DNAH17: variants seen among roughly 807,000 people sequenced by gnomAD.
DNAH17 encodes dynein axonemal heavy chain 17.
In DNAH17, 376 loss-of-function variants were observed where a neutral mutation model predicts 485.6. The observed-to-expected ratio is 0.77, with a 90% CI of 0.71 to 0.84. DNAH17 has a LOEUF of 0.84. Among genes scored for constraint, DNAH17 ranks in the 40% least tolerant of loss-of-function variants. DNAH17 has a pLI of 0.00. For synonymous variants in DNAH17, 3,031 were observed against 2,405.9 expected (o/e 1.26, Z -7.60); for missense variants, 6,370 against 5,839.3 (o/e 1.09, Z -2.96).
intron 62 of DNAH17, among the ~76,000 whole-genome samples, chr17:78,456,256 G>A (rs867952227): frequency 6.6e-6 from 1 of 152,280 alleles, no homozygotes; most frequent in African/African-American, 2.4e-5. Context: ...CCGAGATTGG[G>A]CCACTGCATT....
intron 54 of DNAH17, among the ~76,000 whole-genome samples, chr17:78,471,796 G>C (rs1236149958): frequency 6.6e-6 from 1 of 152,020 alleles, no homozygotes; most frequent in Non-Finnish European, 1.5e-5. Context: ...TCACTCTCTG[G>C]CACAGTCCCC....
Position 78,439,107 on chromosome 17 carries a change from G to A in DNAH17, c.11788C>T (p.His3930Tyr). 4 of 1,613,428 alleles carry A rather than the reference G, an allele frequency of 2.5e-6. No homozygotes were observed. The highest frequency in any genetic ancestry group is 1.7e-5 in the Admixed American group (1 of 59,960). The change falls in exon 73 of 81, where the codon CAC (histidine) becomes TAC (tyrosine). Residue 3930 changes from histidine (H) to tyrosine (Y), a missense_variant. Transcript: ENST00000389840. The stretch of plus-strand genomic sequence containing the variant: ...CCTCGTACCTGCAGAATGACCCAGT[G>A]TCCTTTCTCTGCAGCCACGTCCAGG... ...NALDVAAEKG[H>Y]WVILQNIHLV...
At chr17:78,529,818 G>T in intron 21 of DNAH17, 124 bp from the exon 22 acceptor site, 2 of 985,438 alleles carry the variant, frequency 2.0e-6, no homozygotes, top group Non-Finnish European at 3.0e-6. Context: ...AAGGCCCCAG[G>T]TGGGGAGGGA....
At chr17:78,484,086 ATTT>A (rs2089472171) in intron 48 of DNAH17, among the ~76,000 whole-genome samples, 1 of 107,348 alleles carries the variant, frequency 9.3e-6, no homozygotes, top group African/African-American at 3.9e-5. Context: ...ACAGAGCGAG[ATTT>A]CTCCTCAAAA....
At chr17:78,463,151 AC>A in intron 56 of DNAH17, 74 bp from the exon 57 acceptor site, 1 of 1,407,356 alleles carries the variant, frequency 7.1e-7, no homozygotes, top group Non-Finnish European at 9.9e-7. Context: ...CCCCAGACTC[AC>A]CAGGGGCCCT....
Position 78,505,308 on chromosome 17 carries a change from G to T in DNAH17, c.4941C>A (p.Cys1647Ter). 3 of 1,613,830 alleles carry T rather than the reference G, an allele frequency of 1.9e-6. No homozygotes were observed. Among genetic ancestry groups the T allele is most frequent in the South Asian group, 1.1e-5 (1 of 91,066 alleles). The part of the protein sequence containing the change: ...EDEYMVFDQE[C>*]DLSGQVEVWL... ...ACACACTCACCTGCCCCGAGAGGTC[G>T]CATTCCTGATCAAAAACCATGTACT... Residue 1647 changes from cysteine to a stop codon, truncating the protein, a stop_gained, in exon 31 of 81, where the codon TGC becomes TGA. Coordinates refer to ENST00000389840, the MANE Select transcript of DNAH17 (RefSeq NM_173628.4). LOFTEE classifies it high-confidence loss of function.
intron 34 of DNAH17, 92 bp downstream of exon 34, chr17:78,501,650 G>T: frequency 6.6e-7 from 1 of 1,506,006 alleles, no homozygotes; most frequent in Non-Finnish European, 8.9e-7. Flanking sequence ...CCAGGAAGAG[G>T]AAGTGGCAGG....
In DNAH17 at chr17:78,502,672, C is replaced by T. The variant is rs1395693990; in HGVS notation, c.5109G>A (p.Trp1703Ter). The change falls in exon 33 of 81, where the codon TGG becomes TGA. Residue 1703 changes from tryptophan to a stop codon, truncating the protein, a stop_gained. Transcript: ENST00000389840. LOFTEE classifies it high-confidence loss of function. ...ATGCCAGGCCCACCTCGGTCGTCCA[C>T]CAGATCTGGGTGCAAGTCAGGGCCA... The part of the protein sequence containing the change: ...AQVALTCTQI[W>*]WTTEVGLAFA... 3.1e-6 allele frequency: 5 copies of T among 1,612,538 alleles called. No individual in the cohort carries two copies. The African/African-American group carries it at 5.3e-5, about 17-fold the overall frequency.
chr17:78,484,729 A>G (rs1338107545), intron 48 of DNAH17, 139 bp downstream of exon 48: 1 of 416,652 alleles, frequency 2.4e-6, no homozygotes, highest in Non-Finnish European at 3.7e-6. Context: ...CTCCCTACCC[A>G]CGTTGCAGCA....
chr17:78,463,116 T>C, intron 56 of DNAH17, 39 bp from the exon 57 acceptor site: 3 of 1,593,060 alleles, frequency 1.9e-6, no homozygotes, highest in Non-Finnish European at 2.6e-6. Flanking sequence ...TGGGACCCCA[T>C]CCTGCAAATC....
rs752196798 is a variant in DNAH17, at chr17:78,479,100, G to A, written c.7917C>T (p.Ile2639=). The change falls in exon 51 of 81, where the codon ATC becomes ATT. Residue 2639 remains isoleucine (I), a synonymous_variant. Transcript: ENST00000389840. ...TGGCCGTGGGAAGAAATGTTGCCGT[G>A]ATTTTCTGATGCAAAGCTGTTAGAG... ...VAAALALHQK[I]TATFLPTAIK... is the part of the protein sequence containing the mutation. 6.2e-7 allele frequency: 1 copy of A among 1,613,964 alleles called. No individual in the cohort carries two copies. Among genetic ancestry groups the A allele is most frequent in the South Asian group, 1.1e-5 (1 of 91,054 alleles).
rs749963493 is a variant in DNAH17 at position 78,574,773 on chromosome 17, C to T, written c.285G>A (p.Arg95=). Residue 95 remains arginine, a synonymous_variant, in exon 2 of 81, where the codon CGG becomes CGA. Transcript: ENST00000389840. ...TGGGGCTGATGTCGCCGTAAAGGAG[C>T]CGGGCCCTGTAGTTGTCCTTGTTGA... The part of the protein sequence containing the change: ...ENINKDNYRA[R]LLYGDISPTP... The T allele has an allele frequency of 1.4e-5, 22 of 1,613,788 alleles. No homozygotes were observed. Among genetic ancestry groups the T allele is most frequent in the Middle Eastern group, 1.6e-4 (1 of 6,082 alleles).
At chr17:78,515,256 C>A (rs1354027264) in intron 25 of DNAH17, among the ~76,000 whole-genome samples, 1 of 152,174 alleles carries the variant, frequency 6.6e-6, no homozygotes, top group Non-Finnish European at 1.5e-5. Flanking sequence ...CGTCTATAAC[C>A]CCACTACTTT....
chr17:78,544,041 C>G, intron 16 of DNAH17, 44 bp from the exon 17 acceptor site: 1 of 1,612,538 alleles, frequency 6.2e-7, no homozygotes, highest in Non-Finnish European at 8.5e-7. Context: ...TCTGGAGAAA[C>G]TGCTTTCAGT....
chr17:78,514,516 A>AAAG (rs1373968683), intron 26 of DNAH17, among the ~76,000 whole-genome samples: 53 of 151,008 alleles, frequency 3.5e-4, no homozygotes, highest in African/African-American at 7.8e-4. Flanking sequence ...AAAAAAAAAA[A>AAAG]AAAAAAGAAA....
At chr17:78,569,334 ACTCGTCCTGC>A in intron 8 of DNAH17, 31 bp downstream of exon 8, 1 of 1,608,478 alleles carries the variant, frequency 6.2e-7, no homozygotes, top group Non-Finnish European at 8.5e-7. Context: ...ATATGAACTC[ACTCGTCCTGC>A]CTTGGCCCTC....
intron 25 of DNAH17, among the ~76,000 whole-genome samples, chr17:78,520,857 T>G (rs1040886915): frequency 1.1e-4 from 16 of 152,236 alleles, no homozygotes; most frequent in African/African-American, 3.9e-4. Context: ...TTTTATTTTT[T>G]TATAAGCATA....
At chr17:78,537,594 C>G in intron 18 of DNAH17, 113 bp from the exon 19 acceptor site, 1 of 1,251,478 alleles carries the variant, frequency 8.0e-7, no homozygotes. Context: ...TTCCACTTAT[C>G]TGGGAAGCTT....
intron 73 of DNAH17, among the ~76,000 whole-genome samples, chr17:78,438,423 A>AGGAGGAGGAGGAGGAGGAGGAG (rs1297829723): frequency 2.4e-3 from 4 of 1,700 alleles, no homozygotes; most frequent in African/African-American, 5.1e-3. Flanking sequence ...CCAAGTGAGG[A>AGGAGGAGGAGGAGGAGGAGGAG]GAAGGAGGAG....
Sources: gnomAD v4.1 joint callset for allele counts (sites outside exome capture counted in the v4.1 genomes callset) on GRCh38, gnomAD v4.1.1 for gene constraint, MANE v1.5 for transcripts, NCBI Gene and HGNC (gene_info 2026-07-23, HGNC 2026-07-21) for gene names.